Variants in MSH3 observed in about 807,000 individuals in gnomAD.
MSH3 encodes DNA mismatch repair protein Msh3.
In MSH3, 106 loss-of-function variants were observed where a neutral mutation model predicts 123.3. The observed-to-expected ratio is 0.86, with a 90% CI of 0.73 to 1.01. MSH3 has a LOEUF of 1.01. Among genes scored for constraint, MSH3 ranks in the 50% least tolerant of loss-of-function variants. The pLI is 0.00. For synonymous variants in MSH3, 515 were observed against 481.4 expected (o/e 1.07, Z -0.91); for missense variants, 1,459 against 1,347.6 (o/e 1.08, Z -1.29).
At chr5:80,730,558 C>T (rs245331) in intron 10 of MSH3, among the ~76,000 whole-genome samples, 36,677 of 151,884 alleles carry the variant, frequency 0.24, 4,542 homozygotes, top group Middle Eastern at 0.32. Flanking sequence ...AGTGTCAGCC[C>T]GGCATTATAC....
At chr5:80,792,636 TACAA>T in intron 18 of MSH3, 93 bp from the exon 19 acceptor site, 4 of 712,812 alleles carry the variant, frequency 5.6e-6, no homozygotes, top group South Asian at 3.2e-5. Flanking sequence ...TTTTCTGTCG[TACAA>T]ACAGAGTACT....
intron 9 of MSH3, 49 bp downstream of exon 9, chr5:80,725,614 G>A (rs937697439): frequency 1.6e-6 from 2 of 1,282,474 alleles, no homozygotes; most frequent in Non-Finnish European, 2.3e-6. Context: ...TTGAAATTTG[G>A]ATAAAGGTAT....
chr5:80,744,136 T>C (rs1743671207), intron 11 of MSH3, among the ~76,000 whole-genome samples: 1 of 152,206 alleles, frequency 6.6e-6, no homozygotes, highest in African/African-American at 2.4e-5. Flanking sequence ...CATGAGAGCA[T>C]TGGTTTATAA....
intron 12 of MSH3, chr5:80,746,498 C>G (rs546319421): frequency 2.0e-6 from 1 of 500,750 alleles, no homozygotes; most frequent in South Asian, 1.5e-5. Context: ...CCTTTGATGT[C>G]TAAGTAGTTT....
chr5:80,716,922 C>CT (rs1179290963), intron 8 of MSH3, among the ~76,000 whole-genome samples: 1 of 152,124 alleles, frequency 6.6e-6, no homozygotes, highest in Non-Finnish European at 1.5e-5. Context: ...ATGAGATCAA[C>CT]TTTTTTAGCT....
chr5:80,670,770 G>A (rs1394812188), intron 4 of MSH3, among the ~76,000 whole-genome samples: 4 of 152,190 alleles, frequency 2.6e-5, no homozygotes, highest in African/African-American at 9.7e-5. Flanking sequence ...ACCACCAGAA[G>A]TTGTTTGAAG....
At chr5:80,732,392 T>C (rs916572569) in intron 10 of MSH3, among the ~76,000 whole-genome samples, 3 of 152,116 alleles carry the variant, frequency 2.0e-5, no homozygotes, top group Non-Finnish European at 2.9e-5. Context: ...AAACTTCTTA[T>C]GATAACAGAA....
chr5:80,761,599 G>A lies in MSH3; in HGVS notation c.1817G>A (p.Ser606Asn), dbSNP rs34168832. ...AVSEVLHSES[S>N]VFGQIENHLR... Reference sequence around the variant, plus strand: ...TCGGAAGTTCTCCATTCAGAATCTAGTGTGTTTGGTCAGATAGAAAATCAT... The same window carrying A: ...TCGGAAGTTCTCCATTCAGAATCTAATGTGTTTGGTCAGATAGAAAATCAT... The change falls in exon 13 of 24, where the codon AGT becomes AAT. Residue 606 changes from serine to asparagine, a missense_variant. Coordinates refer to ENST00000265081, the MANE Select transcript of MSH3 (RefSeq NM_002439.5). The A allele has an allele frequency of 2.2e-5, 35 of 1,614,130 alleles. 1 individual carries two copies. In the African/African-American group the frequency reaches 3.2e-4, roughly 15 times the overall value.
At chr5:80,717,605 T>G (rs984567511) in intron 8 of MSH3, among the ~76,000 whole-genome samples, 1 of 152,202 alleles carries the variant, frequency 6.6e-6, no homozygotes, top group Non-Finnish European at 1.5e-5. Flanking sequence ...CTATAAGGGC[T>G]GTCTCAGTTT....
intron 20 of MSH3, among the ~76,000 whole-genome samples, chr5:80,838,759 G>A (rs544350267): frequency 6.6e-6 from 1 of 152,192 alleles, no homozygotes; most frequent in East Asian, 1.9e-4. Flanking sequence ...ACTTGCCTAA[G>A]ATCTCACAGT....
At chr5:80,712,194 A>C (rs1188298318) in intron 8 of MSH3, among the ~76,000 whole-genome samples, 2 of 152,234 alleles carry the variant, frequency 1.3e-5, no homozygotes, top group South Asian at 2.1e-4. Context: ...GTTCTAGTCC[A>C]GGGAAGAGGA....
intron 5 of MSH3, 28 bp from the exon 6 acceptor site, chr5:80,672,713 A>T: frequency 6.5e-7 from 1 of 1,532,670 alleles, no homozygotes; most frequent in Non-Finnish European, 9.0e-7. Flanking sequence ...TTATCCTTTG[A>T]TAGCAATATT....
At chr5:80,832,616 TAAA>T (rs559526687) in intron 20 of MSH3, among the ~76,000 whole-genome samples, 7 of 139,616 alleles carry the variant, frequency 5.0e-5, no homozygotes, top group African/African-American at 1.3e-4. Flanking sequence ...AAGACTCCAT[TAAA>T]AAAAAAAAAA....
At chr5:80,706,803 T>A (rs1210356381) in intron 8 of MSH3, among the ~76,000 whole-genome samples, 1 of 152,220 alleles carries the variant, frequency 6.6e-6, no homozygotes, top group South Asian at 2.1e-4. Flanking sequence ...CCAGACTTTT[T>A]AATAGAAAAT....
chr5:80,813,849 A>G (rs1745053184), intron 20 of MSH3, 108 bp downstream of exon 20: 23 of 1,207,002 alleles, frequency 1.9e-5, no homozygotes, highest in Admixed American at 5.1e-5. Context: ...AAAGCACTCA[A>G]CATTTAGGAG....
intron 20 of MSH3, among the ~76,000 whole-genome samples, chr5:80,816,394 C>G (rs1034903959): frequency 5.3e-5 from 8 of 152,150 alleles, no homozygotes; most frequent in African/African-American, 1.9e-4. Context: ...AAGTATATTT[C>G]AGAGAGAGCA....
chr5:80,675,220 A>T (rs1749814358), intron 7 of MSH3, 92 bp downstream of exon 7: 7 of 1,335,940 alleles, frequency 5.2e-6, no homozygotes, highest in Middle Eastern at 4.2e-4. Context: ...AGGATATCTG[A>T]TGAAGTGTAC....
chr5:80,726,131 A>G (rs1020003997), intron 9 of MSH3, among the ~76,000 whole-genome samples: 2 of 152,208 alleles, frequency 1.3e-5, no homozygotes, highest in African/African-American at 4.8e-5. Flanking sequence ...TCTAATTCAC[A>G]TGTCCACAAT....
At chr5:80,796,220 ATTCTTTTTCT>A (rs912556662) in intron 19 of MSH3, among the ~76,000 whole-genome samples, 6 of 151,832 alleles carry the variant, frequency 4.0e-5, no homozygotes, top group Non-Finnish European at 1.5e-5. Context: ...TTCCTTTTTC[ATTCTTTTTCT>A]TTCAAAACGT....
Sources: allele counts gnomAD v4.1 joint callset (sites outside exome capture counted in the v4.1 genomes callset), GRCh38; gene constraint gnomAD v4.1.1; transcripts MANE v1.5; gene names NCBI Gene and HGNC (gene_info 2026-07-23, HGNC 2026-07-21).